SLC2A9: variants seen among roughly 807,000 people sequenced by gnomAD.
SLC2A9 encodes the protein solute carrier family 2 member 9.
A neutral mutation model predicts 50.6 loss-of-function variants in SLC2A9; 39 were observed. That is an observed-to-expected ratio of 0.77 (90% CI 0.60 to 1.01). SLC2A9 has a LOEUF of 1.01. Ranked by LOEUF, SLC2A9 falls within the 50% of genes least tolerant of loss-of-function variation. The probability of loss-of-function intolerance (pLI) is 0.00; values close to 1 mark genes in which losing one functional copy is unlikely to be tolerated. For synonymous variants in SLC2A9, 324 were observed against 276.9 expected (o/e 1.17, Z -1.69); for missense variants, 686 against 677.6 (o/e 1.01, Z -0.14).
chr4:9,812,204 C>T (rs1350160980), intron 3 of SLC2A9, among the ~76,000 whole-genome samples: 1 of 152,158 alleles, frequency 6.6e-6, no homozygotes, highest in African/African-American at 2.4e-5. Context: ...TCAACAATCC[C>T]TGATTTTTAA....
chr4:9,979,419 G>A (rs1755332276), intron 5 of SLC2A9, among the ~76,000 whole-genome samples: 2 of 152,136 alleles, frequency 1.3e-5, no homozygotes, highest in South Asian at 2.1e-4. Flanking sequence ...CTGGCATGAA[G>A]TGGGCATTCG....
At chr4:9,940,382 T>C (rs369990647) in intron 6 of SLC2A9, among the ~76,000 whole-genome samples, 165 of 152,278 alleles carry the variant, frequency 1.1e-3, no homozygotes, top group African/African-American at 3.8e-3. Context: ...ACGAGGGGTG[T>C]TGGAGGAAAA....
chr4:9,915,541 A>T (rs1742709563), intron 7 of SLC2A9, among the ~76,000 whole-genome samples: 1 of 152,164 alleles, frequency 6.6e-6, no homozygotes, highest in African/African-American at 2.4e-5. Context: ...CAGCTGCTGA[A>T]CTTTAAATGC....
At chr4:9,880,539 G>A (rs1735023700) in intron 10 of SLC2A9, 3 of 984,922 alleles carry the variant, frequency 3.0e-6, no homozygotes, top group East Asian at 2.3e-4. Flanking sequence ...TCTTGGGAGG[G>A]CTTAGGAAAA....
At chr4:9,938,816 A>C (rs1241047803) in intron 6 of SLC2A9, among the ~76,000 whole-genome samples, 1 of 152,182 alleles carries the variant, frequency 6.6e-6, no homozygotes, top group South Asian at 2.1e-4. Flanking sequence ...TGTGTATTGC[A>C]GGCACTGGAG....
At chr4:9,961,542 C>T (rs987202706) in intron 5 of SLC2A9, among the ~76,000 whole-genome samples, 1 of 152,140 alleles carries the variant, frequency 6.6e-6, no homozygotes, top group Non-Finnish European at 1.5e-5. Flanking sequence ...ACACCTTATA[C>T]AAAAATTAAC....
At chr4:9,861,373 G>C (rs973905340) in intron 10 of SLC2A9, among the ~76,000 whole-genome samples, 2 of 151,970 alleles carry the variant, frequency 1.3e-5, no homozygotes, top group Admixed American at 1.3e-4. Flanking sequence ...ACAGTACAGG[G>C]GGGATGGTGC....
At chr4:9,888,590 A>T (rs1245820838) in intron 9 of SLC2A9, among the ~76,000 whole-genome samples, 1 of 151,838 alleles carries the variant, frequency 6.6e-6, no homozygotes, top group Non-Finnish European at 1.5e-5. Context: ...GCCCCAGGAG[A>T]GGCCACCTGA....
intron 5 of SLC2A9, among the ~76,000 whole-genome samples, chr4:9,977,619 C>A (rs1012543295): frequency 6.6e-6 from 1 of 150,592 alleles, no homozygotes; most frequent in East Asian, 2.0e-4. Flanking sequence ...GGCCTTCCCC[C>A]ATACTCTTAC....
At chr4:9,886,131 G>C (rs1023872443) in intron 10 of SLC2A9, among the ~76,000 whole-genome samples, 1 of 152,040 alleles carries the variant, frequency 6.6e-6, no homozygotes, top group African/African-American at 2.4e-5. Context: ...CATCTCAGAG[G>C]GGACTTCCAC....
intron 6 of SLC2A9, among the ~76,000 whole-genome samples, chr4:9,936,295 C>A (rs1407565603): frequency 6.6e-6 from 1 of 152,086 alleles, no homozygotes; most frequent in Non-Finnish European, 1.5e-5. Flanking sequence ...TTTCTCTGGG[C>A]CCTAGAGATA....
chr4:9,843,143 C>T (rs78785836), intron 10 of SLC2A9, among the ~76,000 whole-genome samples: 1,699 of 152,156 alleles, frequency 0.011, 20 homozygotes, highest in Admixed American at 0.018. Flanking sequence ...GCTGAGAGAG[C>T]TGGGGAAGTC....
At chr4:9,772,010 G>C (rs1339111302) in intron 1 of SLC2A9, among the ~76,000 whole-genome samples, 1 of 152,220 alleles carries the variant, frequency 6.6e-6, no homozygotes, top group Non-Finnish European at 1.5e-5. Flanking sequence ...ACACTGAGGA[G>C]CTGGGAATTA....
chr4:10,021,960 T>A (rs1763542963), upstream of SLC2A9, among the ~76,000 whole-genome samples: 1 of 151,920 alleles, frequency 6.6e-6, no homozygotes, highest in Admixed American at 6.6e-5. Flanking sequence ...TGCCTCAGCC[T>A]CCCAAGTAGC....
chr4:9,859,793 A>G (rs957476676), intron 10 of SLC2A9, among the ~76,000 whole-genome samples: 6 of 152,236 alleles, frequency 3.9e-5, no homozygotes, highest in African/African-American at 1.4e-4. Context: ...TAATGCTGAT[A>G]TCAAAGCCCC....
At chr4:9,785,227 A>G (rs951128019) in intron 3 of SLC2A9, among the ~76,000 whole-genome samples, 8 of 152,148 alleles carry the variant, frequency 5.3e-5, no homozygotes, top group African/African-American at 1.7e-4. Flanking sequence ...CTGTAAATGG[A>G]AAGACTTCAA....
At chr4:10,000,594 C>G (rs1759607894) in intron 2 of SLC2A9, among the ~76,000 whole-genome samples, 1 of 152,144 alleles carries the variant, frequency 6.6e-6, no homozygotes, top group Non-Finnish European at 1.5e-5. Flanking sequence ...CAGGATGGCT[C>G]CTAGTAGCAG....
intron 2 of SLC2A9, among the ~76,000 whole-genome samples, chr4:10,001,353 T>C (rs1362645342): frequency 6.6e-6 from 1 of 152,098 alleles, no homozygotes; most frequent in Non-Finnish European, 1.5e-5. Flanking sequence ...AGGAGGAAGA[T>C]GATGTAAACA....
intron 3 of SLC2A9, among the ~76,000 whole-genome samples, chr4:9,815,490 G>A (rs1723451845): frequency 6.6e-6 from 1 of 152,216 alleles, no homozygotes; most frequent in Admixed American, 6.5e-5. Flanking sequence ...AGCTGTTACA[G>A]AAGCTCTGCT....
Sources: gnomAD v4.1 joint callset for allele counts (sites outside exome capture counted in the v4.1 genomes callset) on GRCh38, gnomAD v4.1.1 for gene constraint, MANE v1.5 for transcripts, NCBI Gene and HGNC (gene_info 2026-07-23, HGNC 2026-07-21) for gene names.